SPEF2: variants seen among roughly 807,000 people sequenced by gnomAD.
The protein encoded by SPEF2 is sperm flagellar and cilia associated 2.
SPEF2 carries 187 observed loss-of-function variants against 224.6 expected under a neutral mutation model. The observed-to-expected ratio is 0.83, with a 90% CI of 0.74 to 0.94. The LOEUF is 0.94. Among genes scored for constraint, SPEF2 ranks in the 40% least tolerant of loss-of-function variants. The probability of loss-of-function intolerance (pLI) is 0.00; values close to 1 mark genes in which losing one functional copy is unlikely to be tolerated. For synonymous variants in SPEF2, 715 were observed against 707.3 expected (o/e 1.01, Z -0.17); for missense variants, 2,170 against 2,135.6 (o/e 1.02, Z -0.32).
chr5:35,807,063 A>G, intron 35 of SPEF2, 68 bp from the exon 36 acceptor site: 8 of 1,567,524 alleles, frequency 5.1e-6, no homozygotes, highest in South Asian at 1.2e-5. Context: ...TTTAGTAAAT[A>G]CAACCATTTT....
At chr5:35,727,942 A>C in intron 21 of SPEF2, 119 bp downstream of exon 21, 7 of 1,081,966 alleles carry the variant, frequency 6.5e-6, no homozygotes, top group Non-Finnish European at 7.7e-6. Flanking sequence ...ATATCTATCC[A>C]TCTGAGATTT....
At chr5:35,711,315 TA>T (rs1741070147) in intron 19 of SPEF2, among the ~76,000 whole-genome samples, 1 of 150,332 alleles carries the variant, frequency 6.7e-6, no homozygotes, top group Admixed American at 6.7e-5. Flanking sequence ...AAAATTTTGT[TA>T]AAAAATTGTT....
rs1227303671 is a variant in SPEF2, at chr5:35,779,220, A to G, written c.4321A>G (p.Ile1441Val). 23 of 1,613,768 alleles carry G rather than the reference A, an allele frequency of 1.4e-5. No individual in the cohort carries two copies. Among genetic ancestry groups the G allele is most frequent in the Non-Finnish European group, 1.9e-5 (23 of 1,179,820 alleles). Reference sequence around the variant, plus strand: ...AGAAGACTTCTTCATTAATGGCAATATAAAAGTCTTCCCAGATCCTCCCCC... The same window carrying G: ...AGAAGACTTCTTCATTAATGGCAATGTAAAAGTCTTCCCAGATCCTCCCCC... ...SQEDFFINGN[I>V]KVFPDPPPSI... Residue 1441 changes from isoleucine to valine, a missense_variant, in exon 30 of 37, where the codon ATA becomes GTA. By Grantham distance (29) the Ile-to-Val change is conservative. Transcript: ENST00000356031.
chr5:35,656,649 C>T (rs950606804), intron 7 of SPEF2, among the ~76,000 whole-genome samples: 2 of 152,102 alleles, frequency 1.3e-5, no homozygotes, highest in Non-Finnish European at 2.9e-5. Context: ...CTAGGTCTGG[C>T]GTTTGCCTGG....
chr5:35,724,265 A>G (rs1744252148), intron 20 of SPEF2, among the ~76,000 whole-genome samples: 1 of 152,154 alleles, frequency 6.6e-6, no homozygotes, highest in Non-Finnish European at 1.5e-5. Flanking sequence ...AATTGCTCAT[A>G]ACTTCCCTGA....
chr5:35,804,376 C>T (rs926598213), intron 34 of SPEF2, among the ~76,000 whole-genome samples: 2 of 152,238 alleles, frequency 1.3e-5, no homozygotes, highest in African/African-American at 4.8e-5. Context: ...TTTGATACCA[C>T]TGATAATTGC....
rs185563006 is a variant in SPEF2 at position 35,623,553 on chromosome 5, G to A, written c.59-4907G>A. Among the ~76,000 whole-genome samples, 4 of 152,264 alleles carry A rather than the reference G, an allele frequency of 2.6e-5. No individual in the cohort carries two copies. The East Asian group carries it at 5.8e-4, about 22-fold the overall frequency. ...ATCTGACCAGAAATGCCATAAGGCT[G>A]TTTAGTCCTTATTTATTTCACTGGA... On this transcript the variant is annotated intron_variant, in intron 1 of 36. Coordinates refer to ENST00000356031, the MANE Select transcript of SPEF2 (RefSeq NM_024867.4).
At chr5:35,663,782 T>C (rs1382382592) in intron 8 of SPEF2, among the ~76,000 whole-genome samples, 2 of 152,186 alleles carry the variant, frequency 1.3e-5, no homozygotes, top group African/African-American at 4.8e-5. Flanking sequence ...ACACAGAGAA[T>C]GTACAATGCC....
At chr5:35,655,053 T>C (rs2149439128) in intron 7 of SPEF2, among the ~76,000 whole-genome samples, 1 of 152,350 alleles carries the variant, frequency 6.6e-6, no homozygotes, top group Admixed American at 6.5e-5. Context: ...CCATGTGTAC[T>C]CTATTGTTAC....
At chr5:35,671,339 G>A (rs1035931030) in intron 10 of SPEF2, 20 of 945,882 alleles carry the variant, frequency 2.1e-5, no homozygotes, top group Middle Eastern at 5.5e-4. Context: ...GAAATTAAAT[G>A]TATACTATAT....
chr5:35,796,025 A>G (rs578066623), intron 33 of SPEF2, among the ~76,000 whole-genome samples: 66 of 152,214 alleles, frequency 4.3e-4, no homozygotes, highest in Non-Finnish European at 6.0e-4. Flanking sequence ...TCTCTATGTG[A>G]TCCTGGAAAA....
At chr5:35,776,442 G>A (rs374151576) in intron 29 of SPEF2, 47 bp downstream of exon 29, 161 of 1,536,962 alleles carry the variant, frequency 1.0e-4, no homozygotes, top group Admixed American at 3.5e-4. Flanking sequence ...TGTATTCTAA[G>A]TACCAAAATT....
intron 25 of SPEF2, among the ~76,000 whole-genome samples, chr5:35,762,022 C>T (rs1402789709): frequency 2.0e-5 from 3 of 152,026 alleles, no homozygotes; most frequent in Admixed American, 6.6e-5. Context: ...ATATTTTGTC[C>T]GCTTTATTCT....
chr5:35,737,642 T>C (rs1466551206), intron 21 of SPEF2, among the ~76,000 whole-genome samples: 1 of 152,184 alleles, frequency 6.6e-6, no homozygotes, highest in Non-Finnish European at 1.5e-5. Flanking sequence ...GTTCCAAGTC[T>C]TTGCTATTGT....
chr5:35,661,675 T>C (rs1749764590), intron 8 of SPEF2, among the ~76,000 whole-genome samples: 4 of 152,086 alleles, frequency 2.6e-5, no homozygotes, highest in Admixed American at 2.6e-4. Flanking sequence ...GAACATGCAG[T>C]ATTTGGTTTT....
intron 28 of SPEF2, among the ~76,000 whole-genome samples, chr5:35,775,235 G>T (rs1018072502): frequency 6.6e-6 from 1 of 150,976 alleles, no homozygotes; most frequent in African/African-American, 2.4e-5. Flanking sequence ...ATCCAGCCTG[G>T]GCAACATAGT....
chr5:35,663,828 A>G (rs1297657896), intron 8 of SPEF2, among the ~76,000 whole-genome samples: 2 of 152,184 alleles, frequency 1.3e-5, no homozygotes, highest in Non-Finnish European at 2.9e-5. Context: ...TGGAAACACT[A>G]CAGTCATCAG....
Position 35,712,876 on chromosome 5 carries a change from C to CA in SPEF2, c.2908dup (p.Arg970LysfsTer6). On this transcript the variant is annotated frameshift_variant, in exon 20 of 37. Coordinates refer to ENST00000356031, the MANE Select transcript of SPEF2 (RefSeq NM_024867.4). LOFTEE classifies it high-confidence loss of function. ...AAGGGAAGAAAGGTGAGACCGCACTCAAAAGAAAAGGTACAGCAGATAAAA... is the reference window on the plus strand; with the variant it reads ...AAGGGAAGAAAGGTGAGACCGCACTCAAAAAGAAAAGGTACAGCAGATAAAA... The CA allele has an allele frequency of 1.2e-6, 2 of 1,613,434 alleles. No homozygotes were observed. Among genetic ancestry groups the CA allele is most frequent in the South Asian group, 2.2e-5 (2 of 91,004 alleles).
intron 21 of SPEF2, among the ~76,000 whole-genome samples, 163 bp downstream of exon 21, chr5:35,727,986 C>T (rs1744967949): frequency 1.3e-5 from 2 of 152,074 alleles, no homozygotes; most frequent in Non-Finnish European, 2.9e-5. Flanking sequence ...CATATCTCAT[C>T]CTTTCTCCTA....
Sources: allele counts gnomAD v4.1 joint callset (sites outside exome capture counted in the v4.1 genomes callset), GRCh38; gene constraint gnomAD v4.1.1; transcripts MANE v1.5; gene names NCBI Gene and HGNC (gene_info 2026-07-23, HGNC 2026-07-21).